Variants in EFCAB13 observed in about 807,000 individuals in gnomAD.
EFCAB13 encodes the protein EF-hand calcium-binding domain-containing protein 13.
EFCAB13 carries 91 observed loss-of-function variants against 110.2 expected under a neutral mutation model. The ratio of observed to expected loss-of-function variants is 0.83; its 90% CI spans 0.70 to 0.98. The LOEUF (loss-of-function observed/expected upper bound fraction) is 0.98. Ranked by LOEUF, EFCAB13 falls within the 50% of genes least tolerant of loss-of-function variation. The pLI is 0.00. For synonymous variants in EFCAB13, 323 were observed against 369.9 expected (o/e 0.87, Z 1.45); for missense variants, 968 against 1,119.4 (o/e 0.86, Z 1.93).
At chr17:47,430,256 G>T in intron 24 of EFCAB13, 3 of 1,021,656 alleles carry the variant, frequency 2.9e-6, no homozygotes, top group Non-Finnish European at 3.5e-6. Flanking sequence ...GCCATCCATA[G>T]AGTAAAACAG....
intron 23 of EFCAB13, among the ~76,000 whole-genome samples, chr17:47,427,433 A>T (rs1237116297): frequency 6.6e-6 from 1 of 152,046 alleles, no homozygotes; most frequent in Non-Finnish European, 1.5e-5. Context: ...AGGCATTGGA[A>T]TCCTTTTCAT....
At chr17:47,344,081 T>TTTAA in intron 6 of EFCAB13, 81 bp from the exon 7 acceptor site, 1 of 1,432,430 alleles carries the variant, frequency 7.0e-7, no homozygotes, top group Non-Finnish European at 9.3e-7. Context: ...TTAATTATCT[T>TTTAA]TTAAGAGTTG....
Position 47,403,245 on chromosome 17 carries a change from G to A in EFCAB13, c.2018-633G>A, listed in dbSNP as rs1912488. Among the ~76,000 whole-genome samples the A allele has an allele frequency of 4.2e-3, 642 of 152,270 alleles. 17 individuals are homozygous for A. The East Asian group carries it at 0.063, about 15-fold the overall frequency. On this transcript the variant is annotated intron_variant, in intron 18 of 24. Transcript: ENST00000331493. ...TTTATTGAGGCATTATATGTCTAAT[G>A]CTATCTTAAGTACTTTTTATACATT...
intron 9 of EFCAB13, among the ~76,000 whole-genome samples, chr17:47,351,573 A>G (rs969402409): frequency 6.6e-6 from 1 of 152,140 alleles, no homozygotes; most frequent in African/African-American, 2.4e-5. Context: ...GGCCATTTAT[A>G]TATCTTCTTT....
rs2065388944 is a variant in EFCAB13, at chr17:47,342,102, A to G, written c.303+70A>G. 7.1e-6 allele frequency: 6 copies of G among 842,992 alleles called. No homozygotes were observed. The Admixed American group carries it at 1.8e-4, about 25-fold the overall frequency. The allele number at this position is 842,992 out of a possible 1,614,324, so 52.2% of individuals were successfully genotyped here. On this transcript the variant is annotated intron_variant, in intron 6 of 24. Coordinates refer to ENST00000331493, the MANE Select transcript of EFCAB13 (RefSeq NM_152347.5). ...CCTTAGCCCTCAAACATTCCCTTAA[A>G]TTTTTTAGTCCAAGTGTTGAAATGT...
At chr17:47,400,054 G>T (rs2065770917) in intron 17 of EFCAB13, among the ~76,000 whole-genome samples, 1 of 152,190 alleles carries the variant, frequency 6.6e-6, no homozygotes, top group Non-Finnish European at 1.5e-5. Context: ...CTTCTCTGCT[G>T]GTGGTTTCTC....
intron 9 of EFCAB13, among the ~76,000 whole-genome samples, chr17:47,351,990 C>A (rs1385640680): frequency 6.6e-6 from 1 of 151,126 alleles, no homozygotes; most frequent in Non-Finnish European, 1.5e-5. Flanking sequence ...CAAGCTCTGC[C>A]TCCTGGGTTC....
chr17:47,331,386 A>C (rs925320295), intron 4 of EFCAB13, among the ~76,000 whole-genome samples: 2 of 152,084 alleles, frequency 1.3e-5, no homozygotes, highest in African/African-American at 4.8e-5. Flanking sequence ...GTAGTCTTCT[A>C]GAATTTTTAT....
At chr17:47,340,659 G>C (rs906625834) in intron 5 of EFCAB13, among the ~76,000 whole-genome samples, 6 of 151,554 alleles carry the variant, frequency 4.0e-5, no homozygotes, top group Non-Finnish European at 7.4e-5. Context: ...CTGGAGTGCA[G>C]TGATGCGATC....
chr17:47,404,048 G>A (rs750346510), intron 19 of EFCAB13, 27 bp downstream of exon 19: 48 of 1,330,034 alleles, frequency 3.6e-5, no homozygotes, highest in South Asian at 5.9e-5. Context: ...TTACTCTCAG[G>A]TTTTTTTTTT....
Position 47,347,855 on chromosome 17 carries a change from A to G in EFCAB13, c.565A>G (p.Ile189Val). 1 of 1,547,560 alleles carries G rather than the reference A, an allele frequency of 6.5e-7. No homozygotes were observed. The highest frequency in any genetic ancestry group is 1.3e-5 in the South Asian group (1 of 78,620). The change falls in exon 9 of 25, where the codon ATT becomes GTT. Residue 189 changes from isoleucine to valine, a missense_variant. Physicochemically the swap from Ile to Val is conservative, Grantham distance 29. Coordinates refer to ENST00000331493, the MANE Select transcript of EFCAB13 (RefSeq NM_152347.5). ...TTTTAGTAAAATTCGAAGTGGTAAGATTTATGTGAATGATCTTCCAGTGAT... is the reference window on the plus strand; with the variant it reads ...TTTTAGTAAAATTCGAAGTGGTAAGGTTTATGTGAATGATCTTCCAGTGAT... ...KIFSKIRSGK[I>V]YVNDLPVILC...
intron 5 of EFCAB13, among the ~76,000 whole-genome samples, chr17:47,335,599 A>T (rs1243748872): frequency 6.6e-6 from 1 of 152,196 alleles, no homozygotes; most frequent in Non-Finnish European, 1.5e-5. Flanking sequence ...ACATTGTTAT[A>T]AAGAACTACT....
intron 7 of EFCAB13, 28 bp downstream of exon 7, chr17:47,344,320 T>C (rs1428375320): frequency 1.9e-6 from 3 of 1,603,282 alleles, no homozygotes. Context: ...CTCTATTTTT[T>C]AAATGTTGGG....
Position 47,431,962 on chromosome 17 carries a change from A to G in EFCAB13, c.2638+2001A>G, listed in dbSNP as rs1319006543. On this transcript the variant is annotated intron_variant, in intron 24 of 24. Transcript: ENST00000331493. This position sits in a 1 kb window ranked among gnomAD's most constrained non-coding sequence, Gnocchi z 4.1. ...TTTAGCCCATGTTGTTAACATGCTGACTTAGAATTAAGGCTGGGCATTGTG... is the reference window on the plus strand; with the variant it reads ...TTTAGCCCATGTTGTTAACATGCTGGCTTAGAATTAAGGCTGGGCATTGTG... 6.6e-6 allele frequency among the ~76,000 whole-genome samples: 1 copy of G among 152,154 alleles called. No individual in the cohort carries two copies. The highest frequency in any genetic ancestry group is 1.5e-5 in the Non-Finnish European group (1 of 68,030).
At chr17:47,327,357 G>T (rs2065292340) in intron 3 of EFCAB13, among the ~76,000 whole-genome samples, 1 of 151,968 alleles carries the variant, frequency 6.6e-6, no homozygotes, top group South Asian at 2.1e-4. Flanking sequence ...TAGAGACGGG[G>T]TTTCATCATC....
At chr17:47,363,402 T>C (rs2065527381) in intron 10 of EFCAB13, among the ~76,000 whole-genome samples, 1 of 152,098 alleles carries the variant, frequency 6.6e-6, no homozygotes, top group African/African-American at 2.4e-5. Flanking sequence ...TAGTCAGTCA[T>C]TTAATATCTA....
intron 11 of EFCAB13, among the ~76,000 whole-genome samples, chr17:47,372,812 C>T (rs1431927393): frequency 3.9e-5 from 6 of 152,136 alleles, no homozygotes; most frequent in Middle Eastern, 3.4e-3. Context: ...CTTATTGGAA[C>T]GTATATGTTA....
intron 23 of EFCAB13, among the ~76,000 whole-genome samples, chr17:47,426,460 T>A (rs1904962584): frequency 6.6e-6 from 1 of 152,208 alleles, no homozygotes; most frequent in Admixed American, 6.5e-5. Context: ...TTGGCAGCCA[T>A]CCTTTTTAAG....
At chr17:47,349,321 C>G (rs2065435265) in intron 9 of EFCAB13, among the ~76,000 whole-genome samples, 1 of 152,168 alleles carries the variant, frequency 6.6e-6, no homozygotes, top group Non-Finnish European at 1.5e-5. Context: ...TAAACCCTGT[C>G]AAAGTTGGGC....
Sources: gnomAD v4.1 joint callset for allele counts (sites outside exome capture counted in the v4.1 genomes callset) on GRCh38, gnomAD v4.1.1 for gene constraint, Gnocchi (gnomAD v3.1) non-coding constraint, MANE v1.5 for transcripts, NCBI Gene and HGNC (gene_info 2026-07-23, HGNC 2026-07-21) for gene names.